CSMD1: variants seen among roughly 807,000 people sequenced by gnomAD.
The protein encoded by CSMD1 is CUB and sushi domain-containing protein 1.
In CSMD1, 213 loss-of-function variants were observed where a neutral mutation model predicts 417.5. That is an observed-to-expected ratio of 0.51 (90% CI 0.46 to 0.57). CSMD1 has a LOEUF of 0.57. Ranked by LOEUF, CSMD1 falls within the 20% of genes least tolerant of loss-of-function variation. The probability of loss-of-function intolerance (pLI) is 0.00; values close to 1 mark genes in which losing one functional copy is unlikely to be tolerated. For synonymous variants in CSMD1, 2,862 were observed against 1,736.8 expected (o/e 1.65, Z -16.11); for missense variants, 6,923 against 4,529.7 (o/e 1.53, Z -15.17).
chr8:3,617,846 T>G (rs183741613), intron 7 of CSMD1, among the ~76,000 whole-genome samples: 1 of 152,334 alleles, frequency 6.6e-6, no homozygotes, highest in Admixed American at 6.5e-5. Flanking sequence ...CTGATTCTAT[T>G]ATTTGTAGCT....
At chr8:4,326,223 T>A (rs1457858165) in intron 3 of CSMD1, among the ~76,000 whole-genome samples, 1 of 152,180 alleles carries the variant, frequency 6.6e-6, no homozygotes, top group East Asian at 1.9e-4. Flanking sequence ...AACACTGCTT[T>A]GAAAACCATT....
intron 2 of CSMD1, among the ~76,000 whole-genome samples, chr8:4,479,150 T>C (rs1015530984): frequency 6.6e-6 from 1 of 152,206 alleles, no homozygotes; most frequent in African/African-American, 2.4e-5. Flanking sequence ...AAGGTTAATT[T>C]ATAAATAAAT....
chr8:3,377,063 T>C (rs558362902), intron 18 of CSMD1, among the ~76,000 whole-genome samples: 3 of 152,290 alleles, frequency 2.0e-5, no homozygotes, highest in South Asian at 4.1e-4. Context: ...GGCTGTAGTG[T>C]AGTGGTGTGA....
At position 4,070,255 on chromosome 8, in the gene CSMD1, G is replaced by A. The variant is rs1327931520; in HGVS notation, c.416-38156C>T. ...TGCTTATCATATATATTACAAACATGCAATTCAAACTCTAAAACATAATGT... is the reference window on the plus strand; with the variant it reads ...TGCTTATCATATATATTACAAACATACAATTCAAACTCTAAAACATAATGT... On this transcript the variant is annotated intron_variant, in intron 3 of 69. Coordinates refer to ENST00000635120, the MANE Select transcript of CSMD1 (RefSeq NM_033225.6). Among the ~76,000 whole-genome samples, 6 of 152,056 alleles carry A rather than the reference G, an allele frequency of 3.9e-5. No homozygotes were observed. The Middle Eastern group carries it at 0.014, about 350-fold the overall frequency.
intron 5 of CSMD1, among the ~76,000 whole-genome samples, chr8:3,830,957 C>T (rs1802341271): frequency 6.6e-6 from 1 of 152,104 alleles, no homozygotes; most frequent in African/African-American, 2.4e-5. Flanking sequence ...AGGGACAGTT[C>T]ACCTAGGACG....
intron 3 of CSMD1, among the ~76,000 whole-genome samples, chr8:4,044,757 GCCACATA>G (rs1563357835): frequency 4.0e-5 from 6 of 149,924 alleles, no homozygotes; most frequent in African/African-American, 7.6e-5. Context: ...TACCACCCTG[GCCACATA>G]GCACCCTAGC....
intron 18 of CSMD1, among the ~76,000 whole-genome samples, chr8:3,381,656 A>T (rs1810634520): frequency 6.6e-6 from 1 of 152,186 alleles, no homozygotes; most frequent in Non-Finnish European, 1.5e-5. Context: ...TTCTGACACT[A>T]AAAATTATAC....
intron 3 of CSMD1, among the ~76,000 whole-genome samples, chr8:4,357,328 G>A (rs542999979): frequency 1.9e-4 from 29 of 152,238 alleles, no homozygotes; most frequent in Non-Finnish European, 3.7e-4. Flanking sequence ...TATCATGCCT[G>A]TTGCGTAAGC....
chr8:3,716,128 C>A (rs1043052002), intron 6 of CSMD1, among the ~76,000 whole-genome samples: 6 of 152,156 alleles, frequency 3.9e-5, no homozygotes, highest in African/African-American at 1.4e-4. Flanking sequence ...AGAACTCCAC[C>A]CTGTTTGGGT....
chr8:3,529,570 A>G (rs1265947368), intron 10 of CSMD1, among the ~76,000 whole-genome samples: 1 of 152,206 alleles, frequency 6.6e-6, no homozygotes, highest in Non-Finnish European at 1.5e-5. Flanking sequence ...ACACAATGGA[A>G]GAGTAGAATC....
chr8:3,952,723 G>A (rs1811672909), intron 5 of CSMD1, among the ~76,000 whole-genome samples: 1 of 152,106 alleles, frequency 6.6e-6, no homozygotes, highest in Non-Finnish European at 1.5e-5. Flanking sequence ...CACTGAATTG[G>A]ACATTTTAAA....
At chr8:3,065,840 T>TA (rs913370038) in intron 49 of CSMD1, among the ~76,000 whole-genome samples, 75 of 152,302 alleles carry the variant, frequency 4.9e-4, no homozygotes, top group African/African-American at 1.7e-3. Flanking sequence ...TCCCTAGTGA[T>TA]AAAAGGCAAG....
intron 7 of CSMD1, among the ~76,000 whole-genome samples, chr8:3,639,780 T>C (rs138703775): frequency 6.6e-6 from 1 of 152,326 alleles, no homozygotes; most frequent in Non-Finnish European, 1.5e-5. Flanking sequence ...CTTCATAATC[T>C]TCTAACTACT....
Position 3,844,982 on chromosome 8 carries a change from A to G in CSMD1, c.819-90940T>C, listed in dbSNP as rs142314236. Among the ~76,000 whole-genome samples the G allele has an allele frequency of 1.7e-3, 254 of 152,322 alleles. 1 individual carries two copies. Among genetic ancestry groups the G allele is most frequent in the African/African-American group, 5.9e-3 (244 of 41,562 alleles). On this transcript the variant is annotated intron_variant, in intron 5 of 69. Transcript: ENST00000635120. The stretch of plus-strand genomic sequence containing the variant: ...AAGATTTTAAAGATGTGATATGCAG[A>G]TACTGCACAAACTTTAAAAGTTAAC...
At chr8:3,659,812 T>C (rs1233012674) in intron 7 of CSMD1, among the ~76,000 whole-genome samples, 3 of 152,178 alleles carry the variant, frequency 2.0e-5, no homozygotes, top group Non-Finnish European at 4.4e-5. Flanking sequence ...AGTAAAACCA[T>C]TCGGCATAAA....
intron 2 of CSMD1, among the ~76,000 whole-genome samples, chr8:4,503,906 T>G (rs1443307814): frequency 6.7e-6 from 1 of 149,784 alleles, no homozygotes; most frequent in Non-Finnish European, 1.5e-5. Flanking sequence ...TGATTCTGCT[T>G]CAAAATTAAA....
At chr8:3,294,791 C>A (rs1275618187) in intron 25 of CSMD1, among the ~76,000 whole-genome samples, 1 of 152,154 alleles carries the variant, frequency 6.6e-6, no homozygotes, top group Non-Finnish European at 1.5e-5. Context: ...TGATGCCTCC[C>A]CCTGCTTTGG....
At chr8:3,243,426 G>A (rs150672754) in intron 26 of CSMD1, among the ~76,000 whole-genome samples, 1 of 151,250 alleles carries the variant, frequency 6.6e-6, no homozygotes, top group East Asian at 2.0e-4. Flanking sequence ...GAGAGTCACT[G>A]AAGGGAGACT....
rs1563064327 is a variant in CSMD1 at position 3,772,446 on chromosome 8, TACAC to T, written c.819-18408_819-18405del. 2.1e-4 allele frequency among the ~76,000 whole-genome samples: 20 copies of T among 96,068 alleles called. 3 individuals carry two copies. The highest frequency in any genetic ancestry group is 7.7e-4 in the African/African-American group (17 of 21,972). The allele number at this position is 96,068 out of a possible 152,430, so 63.0% of individuals were successfully genotyped here. Reference sequence around the variant, plus strand: ...ACACATATATACATACATTTATATATACACATATATATACATATATACACATATA... The same window carrying T: ...ACACATATATACATACATTTATATATATATATATACATATATACACATATA... On this transcript the variant is annotated intron_variant, in intron 5 of 69. Transcript: ENST00000635120.
Sources: allele counts gnomAD v4.1 joint callset (sites outside exome capture counted in the v4.1 genomes callset), GRCh38; gene constraint gnomAD v4.1.1; transcripts MANE v1.5; gene names NCBI Gene and HGNC (gene_info 2026-07-23, HGNC 2026-07-21).